The following DYNC1LI1 variants were observed in gnomAD, a reference collection of about 807,000 sequenced individuals.
DYNC1LI1 encodes dynein cytoplasmic 1 light intermediate chain 1.
A neutral mutation model predicts 63.8 loss-of-function variants in DYNC1LI1; 19 were observed. That is an observed-to-expected ratio of 0.30 (90% confidence interval 0.21 to 0.44). The LOEUF (loss-of-function observed/expected upper bound fraction) is 0.44, where lower values mean the gene tolerates loss of function less well. Among genes scored for constraint, DYNC1LI1 ranks in the 20% least tolerant of loss-of-function variants. DYNC1LI1 has a pLI of 1.00. For missense variants in DYNC1LI1, 565 were observed against 630.2 expected, an observed-to-expected ratio of 0.90 and a Z score of 1.11; for synonymous variants, 225 against 232.3, an observed-to-expected ratio of 0.97 and a Z score of 0.28.
At chr3:32,541,301 A>G (rs1169751780) in intron 4 of DYNC1LI1, 95 bp from the exon 5 acceptor site, 1 of 808,420 alleles carries the variant, frequency 1.2e-6, no homozygotes, top group Non-Finnish European at 1.9e-6. Context: ...TCGAATTTAT[A>G]CTTAGTCTTG....
intron 6 of DYNC1LI1, among the ~76,000 whole-genome samples, chr3:32,535,052 AGT>A (rs1454991563): frequency 6.6e-6 from 1 of 152,352 alleles, no homozygotes; most frequent in East Asian, 1.9e-4. Flanking sequence ...GTGTGTTAAC[AGT>A]GTCTCTTTGT....
At chr3:32,553,422 T>C (rs1178579356) in intron 2 of DYNC1LI1, among the ~76,000 whole-genome samples, 1 of 152,046 alleles carries the variant, frequency 6.6e-6, no homozygotes, top group Non-Finnish European at 1.5e-5. Flanking sequence ...GTTTCACAAA[T>C]CCCTAAATGC....
chr3:32,538,290 G>C (rs1559436723), intron 5 of DYNC1LI1, among the ~76,000 whole-genome samples: 1 of 149,380 alleles, frequency 6.7e-6, no homozygotes, highest in South Asian at 2.1e-4. Context: ...TAATTATGAG[G>C]AGCATTTCAT....
intron 4 of DYNC1LI1, 62 bp from the exon 5 acceptor site, chr3:32,541,268 C>A: frequency 8.9e-7 from 1 of 1,124,722 alleles, no homozygotes; most frequent in Non-Finnish European, 1.3e-6. Flanking sequence ...CTTTTCTTGC[C>A]ATAATCTAAA....
chr3:32,558,331 C>A (rs9868085), intron 2 of DYNC1LI1, among the ~76,000 whole-genome samples: 1 of 146,028 alleles, frequency 6.8e-6, no homozygotes, highest in South Asian at 2.2e-4. Flanking sequence ...ACAGCAAATA[C>A]TTTAAGCTTC....
intron 2 of DYNC1LI1, among the ~76,000 whole-genome samples, chr3:32,564,940 G>A (rs1024957617): frequency 1.3e-5 from 2 of 152,054 alleles, no homozygotes; most frequent in Admixed American, 1.3e-4. Context: ...ATATCTTAAG[G>A]TTTCCTACAA....
chr3:32,570,729 C>A lies in DYNC1LI1; in HGVS notation c.42G>T (p.Pro14=), dbSNP rs1559447514. 3.7e-6 allele frequency: 6 copies of A among 1,608,100 alleles called. No homozygotes were observed. The highest frequency in any genetic ancestry group is 4.2e-6 in the Non-Finnish European group (5 of 1,177,236). Residue 14 remains proline (P), a synonymous_variant, in exon 1 of 13, where the codon CCG becomes CCT. Coordinates refer to ENST00000273130, the MANE Select transcript of DYNC1LI1 (RefSeq NM_016141.4). ...VGRVGSFGSS[P]PGLSSTYTGG... ...CAGTGTAAGTCGAGGATAATCCCGG[C>A]GGAGAAGAACCGAAGGAGCCGACTC...
intron 2 of DYNC1LI1, among the ~76,000 whole-genome samples, chr3:32,558,403 T>TAAAA (rs533076265): frequency 7.1e-4 from 64 of 90,336 alleles, no homozygotes; most frequent in East Asian, 2.4e-3. Context: ...TTTAAAAATG[T>TAAAA]AAAAAAAAAA....
chr3:32,570,182 T>C, intron 2 of DYNC1LI1, 164 bp downstream of exon 2: 1 of 724,050 alleles, frequency 1.4e-6, no homozygotes, highest in East Asian at 2.7e-5. Flanking sequence ...GTCAAGGGTC[T>C]CGTGTTCCCC....
At chr3:32,559,089 T>C (rs1238285210) in intron 2 of DYNC1LI1, among the ~76,000 whole-genome samples, 1 of 151,442 alleles carries the variant, frequency 6.6e-6, no homozygotes, top group African/African-American at 2.4e-5. Flanking sequence ...ACAGAGTCTA[T>C]GGTGCCCAGG....
At chr3:32,570,592 C>A in intron 1 of DYNC1LI1, 33 bp downstream of exon 1, 2 of 1,546,404 alleles carry the variant, frequency 1.3e-6, no homozygotes, top group South Asian at 1.2e-5. Context: ...CCGGGGGAGC[C>A]AGCGGGGGCT....
At position 32,538,826 on chromosome 3, in the gene DYNC1LI1, T is replaced by C. The variant is rs762204272; in HGVS notation, c.739-1722A>G. ...TCCGGAGTCTTTAAACTGATGGCGT[T>C]GAACCACCATACTTCTCTCCCTTTG... On this transcript the variant is annotated intron_variant, in intron 5 of 12. Coordinates refer to ENST00000273130, the MANE Select transcript of DYNC1LI1 (RefSeq NM_016141.4). Among the ~76,000 whole-genome samples the C allele has an allele frequency of 2.0e-5, 3 of 152,184 alleles. No individual in the cohort carries two copies. The South Asian group carries it at 6.2e-4, about 32-fold the overall frequency.
At chr3:32,530,897 A>G (rs1697687355) in intron 8 of DYNC1LI1, 1 of 164,044 alleles carries the variant, frequency 6.1e-6, no homozygotes. Context: ...AGTCACAAGC[A>G]TATTAATCAT....
chr3:32,555,582 C>T (rs2125442593), intron 2 of DYNC1LI1, among the ~76,000 whole-genome samples: 1 of 152,330 alleles, frequency 6.6e-6, no homozygotes, highest in East Asian at 1.9e-4. Flanking sequence ...TCCCAGTTCT[C>T]TTCTCCTCAC....
In DYNC1LI1 at chr3:32,570,374, G is replaced by A. The variant is rs767270475; in HGVS notation, c.192C>T (p.Leu64=). The change falls in exon 2 of 13, where the codon CTC becomes CTT. Residue 64 remains leucine, a synonymous_variant. Coordinates refer to ENST00000273130, the MANE Select transcript of DYNC1LI1 (RefSeq NM_016141.4). ...SEVSTRSRSK[L]PAGKNVLLLG... is the part of the protein sequence containing the mutation. ...GCAGTAGCACGTTCTTCCCCGCAGG[G>A]AGCTTGGAGCGCGAGCGGGTGGAGA... 5.0e-6 allele frequency: 8 copies of A among 1,604,972 alleles called. No individual in the cohort carries two copies. In the South Asian group the frequency reaches 6.7e-5, roughly 13 times the overall value.
intron 6 of DYNC1LI1, among the ~76,000 whole-genome samples, chr3:32,535,862 C>T (rs1433125011): frequency 6.6e-6 from 1 of 152,130 alleles, no homozygotes; most frequent in Non-Finnish European, 1.5e-5. Context: ...TTTCTGATTA[C>T]ATTTCTGTAC....
intron 8 of DYNC1LI1, 78 bp from the exon 9 acceptor site, chr3:32,530,598 C>G (rs1342344985): frequency 7.8e-7 from 1 of 1,289,252 alleles, no homozygotes; most frequent in African/African-American, 1.5e-5. Flanking sequence ...CTAGATTGGA[C>G]TAATTAAAAA....
chr3:32,560,674 C>T (rs1698177408), intron 2 of DYNC1LI1, among the ~76,000 whole-genome samples: 1 of 151,936 alleles, frequency 6.6e-6, no homozygotes. Context: ...AATCATTTTC[C>T]TTACTCCCAC....
At chr3:32,536,860 A>C (rs1029897755) in intron 6 of DYNC1LI1, 151 bp downstream of exon 6, 4 of 557,112 alleles carry the variant, frequency 7.2e-6, no homozygotes, top group Non-Finnish European at 1.3e-5. Flanking sequence ...AAATGTAAAT[A>C]ATTTGGGAAC....
Sources: allele counts gnomAD v4.1 joint callset (sites outside exome capture counted in the v4.1 genomes callset), GRCh38; gene constraint gnomAD v4.1.1; transcripts MANE v1.5; gene names NCBI Gene and HGNC (gene_info 2026-07-23, HGNC 2026-07-21).